The following LMNTD2 variants were observed in gnomAD, a reference collection of about 807,000 sequenced individuals.
The protein encoded by LMNTD2 is lamin tail domain-containing protein 2.
A neutral mutation model predicts 70.1 loss-of-function variants in LMNTD2; 83 were observed. The observed-to-expected ratio is 1.18, with a 90% confidence interval of 0.99 to 1.42. The LOEUF (loss-of-function observed/expected upper bound fraction) is 1.42, where lower values mean the gene tolerates loss of function less well. LMNTD2 is among the 40% of genes most tolerant of loss of function. LMNTD2 has a pLI of 0.00. For synonymous variants in LMNTD2, 534 were observed against 406.1 expected (o/e 1.31, Z -3.79); for missense variants, 1,153 against 905.9 (o/e 1.27, Z -3.50).
Position 557,507 on chromosome 11 carries a change from C to T in LMNTD2, c.625-20G>A, listed in dbSNP as rs778051009. On this transcript the variant is annotated intron_variant, in intron 6 of 13. Transcript: ENST00000329451. ...AAAGCCCTGGCCAGGAAGCAAGAGG[C>T]ACATGGTCCTCCCCTCCCGCAGGGC... The T allele has an allele frequency of 3.7e-6, 6 of 1,613,278 alleles. No homozygotes were observed. The South Asian group carries it at 4.4e-5, about 12-fold the overall frequency.
chr11:557,916 G>C lies in LMNTD2; in HGVS notation c.523C>G (p.Arg175Gly). ...LQLARSSWVG[R>G]MLRSQTGSVE... Reference sequence around the variant, plus strand: ...CTGCCAGTCTGGGATCGTAGCATGCGGCCCACCCACGAGGAGCGGGCCAGC... The same window carrying C: ...CTGCCAGTCTGGGATCGTAGCATGCCGCCCACCCACGAGGAGCGGGCCAGC... The change falls in exon 5 of 14, where the codon CGC (arginine) becomes GGC (glycine). Residue 175 changes from arginine to glycine, a missense_variant. By Grantham distance (125) the Arg-to-Gly change is moderately radical. Transcript: ENST00000329451. The C allele has an allele frequency of 6.3e-7, 1 of 1,583,352 alleles. No individual in the cohort carries two copies. Among genetic ancestry groups the C allele is most frequent in the South Asian group, 1.2e-5 (1 of 86,482 alleles).
Position 556,035 on chromosome 11 carries a change from G to A in LMNTD2, c.1338C>T (p.Ile446=). ...TCAGGAGCAGCGTCGCGCAGCCGCG[G>A]ATGGAGAGGAGGGGAACGGGCTCCC... ...SSREPVPLLS[I]RGCATLLLSP... The change falls in exon 11 of 14, where the codon ATC becomes ATT. Residue 446 remains isoleucine, a synonymous_variant. Coordinates refer to ENST00000329451, the MANE Select transcript of LMNTD2 (RefSeq NM_173573.3). 1.3e-6 allele frequency: 2 copies of A among 1,556,726 alleles called. No homozygotes were observed. The highest frequency in any genetic ancestry group is 1.7e-6 in the Non-Finnish European group (2 of 1,161,986).
chr11:557,542 C>CAG, intron 6 of LMNTD2, 30 bp downstream of exon 6: 1 of 1,613,448 alleles, frequency 6.2e-7, no homozygotes, highest in Non-Finnish European at 8.5e-7. Context: ...CTCCAGATAC[C>CAG]AGACCACACA....
chr11:560,359 C>CG lies in LMNTD2; in HGVS notation c.34+323dup, dbSNP rs1853197704. The CG allele has an allele frequency of 5.1e-6, 6 of 1,167,698 alleles. No homozygotes were observed. The South Asian group carries it at 1.6e-4, about 31-fold the overall frequency. The allele number at this position is 1,167,698 out of a possible 1,614,324, so 72.3% of individuals were successfully genotyped here. ...GGGTCCAAAAGGGGCAGGAAGGTGT[C>CG]GGAGAAGAGCCTCAGCTAGAGTCCG... On this transcript the variant is annotated intron_variant, in intron 1 of 13. Coordinates refer to ENST00000329451, the MANE Select transcript of LMNTD2 (RefSeq NM_173573.3).
At position 555,168 on chromosome 11, in the gene LMNTD2, G is replaced by A. The variant is rs1328946543; in HGVS notation, c.1774-57C>T. On this transcript the variant is annotated intron_variant, in intron 13 of 13. Coordinates refer to ENST00000329451, the MANE Select transcript of LMNTD2 (RefSeq NM_173573.3). ...GGCGGGGCGGGGACGGGAGGGGAGG[G>A]GAGGGGAGGAGAGGGGAGGGGCGGG... 1.0e-3 allele frequency: 621 copies of A among 600,866 alleles called. 2 individuals carry two copies. Among genetic ancestry groups the A allele is most frequent in the Non-Finnish European group, 1.2e-3 (511 of 417,218 alleles). The allele number at this position is 600,866 out of a possible 1,614,324, so 37.2% of individuals were successfully genotyped here. A position where few individuals can be genotyped will look rare whatever the true frequency, so the allele number is the denominator to read the frequency against.
chr11:555,182 G>GGGGGGGGCGGGGAGGAGAGC (rs1564812852), intron 13 of LMNTD2, 71 bp from the exon 14 acceptor site: 2 of 240,424 alleles, frequency 8.3e-6, no homozygotes, highest in African/African-American at 7.1e-5. Context: ...GGGAGGAGAG[G>GGGGGGGGCGGGGAGGAGAGC]GGAGGGGCGG....
chr11:555,103 C>G lies in LMNTD2; in HGVS notation c.1782G>C (p.Arg594=). 1 of 1,492,276 alleles carries G rather than the reference C, an allele frequency of 6.7e-7. No homozygotes were observed. The highest frequency in any genetic ancestry group is 1.2e-5 in the South Asian group (1 of 81,054). The allele number at this position is 1,492,276 out of a possible 1,614,324, so 92.4% of individuals were successfully genotyped here. ...GGGGGCAGCTACGGTCCACGCTCTTCCGGCACACCTGGGGGGCGCGGGGGC... is the reference window on the plus strand; with the variant it reads ...GGGGGCAGCTACGGTCCACGCTCTTGCGGCACACCTGGGGGGCGCGGGGGC... ...LQKEHRVRVC[R]KSVDRSCPLV... is the part of the protein sequence containing the mutation. Residue 594 remains arginine (R), a synonymous_variant, in exon 14 of 14, where the codon CGG becomes CGC. Transcript: ENST00000329451.
At chr11:556,625 A>C in intron 8 of LMNTD2, 37 bp from the exon 9 acceptor site, 1 of 1,459,392 alleles carries the variant, frequency 6.9e-7, no homozygotes, top group Non-Finnish European at 9.1e-7. Flanking sequence ...GGGACCCTCG[A>C]ATGGAGTCCC....
chr11:557,104 AC>A lies in LMNTD2; in HGVS notation c.714-8del. 6.3e-7 allele frequency: 1 copy of A among 1,580,740 alleles called. No individual in the cohort carries two copies. The highest frequency in any genetic ancestry group is 8.6e-7 in the Non-Finnish European group (1 of 1,161,752). ...TGGCCAGGGCCGGGGCTGCCTGTGG[AC>A]CACGCTCTGCTTGATGGCCACTCCA... On this transcript the variant is annotated splice_region_variant and splice_polypyrimidine_tract_variant and intron_variant, in intron 7 of 13. Coordinates refer to ENST00000329451, the MANE Select transcript of LMNTD2 (RefSeq NM_173573.3).
At position 555,481 on chromosome 11, in the gene LMNTD2, C is replaced by G. The variant is rs779940792; in HGVS notation, c.1597G>C (p.Val533Leu). The part of the protein sequence containing the change: ...RPGTRGLLPP[V>L]SSGKLFHARE... ...GCGTGGAAGAGCTTCCCCGAGCTCA[C>G]TGGGGGCAGCAGGCCCCGCGTCCTG... The change falls in exon 13 of 14, where the codon GTG (valine) becomes CTG (leucine). Residue 533 changes from valine (V) to leucine (L), a missense_variant. Physicochemically the swap from Val to Leu is conservative, Grantham distance 32. Transcript: ENST00000329451. 6 of 1,371,488 alleles carry G rather than the reference C, an allele frequency of 4.4e-6. No homozygotes were observed. In the African/African-American group the frequency reaches 6.1e-5, roughly 14 times the overall value. The allele number at this position is 1,371,488 out of a possible 1,614,324, so 85.0% of individuals were successfully genotyped here.
chr11:556,505 C>G lies in LMNTD2; in HGVS notation c.1060G>C (p.Glu354Gln), dbSNP rs767063518. 1.3e-6 allele frequency: 2 copies of G among 1,552,516 alleles called. No individual in the cohort carries two copies. The highest frequency in any genetic ancestry group is 1.7e-4 in the Middle Eastern group (1 of 6,018). Reference sequence around the variant, plus strand: ...CTCGCCCCTTACCTCTGCAGGAGTTCCGGGCTCCAGTGGTCCGGGTCTGTG... The same window carrying G: ...CTCGCCCCTTACCTCTGCAGGAGTTGCGGGCTCCAGTGGTCCGGGTCTGTG... ...PCTDPDHWSP[E>Q]LLQSPTGLKI... The change falls in exon 9 of 14, where the codon GAA becomes CAA. Residue 354 changes from glutamate to glutamine, a missense_variant. Coordinates refer to ENST00000329451, the MANE Select transcript of LMNTD2 (RefSeq NM_173573.3).
intron 4 of LMNTD2, 22 bp from the exon 5 acceptor site, chr11:558,061 T>G (rs369653632): frequency 1.3e-6 from 2 of 1,585,970 alleles, no homozygotes; most frequent in Non-Finnish European, 8.6e-7. Context: ...GGGCCTGTGG[T>G]TGGTGGTGGG....
At chr11:555,592 G>C in intron 12 of LMNTD2, 89 bp from the exon 13 acceptor site, 1 of 1,275,054 alleles carries the variant, frequency 7.8e-7, no homozygotes, top group Non-Finnish European at 1.0e-6. Flanking sequence ...AGGGGCCGCG[G>C]GGCGTACTGG....
intron 2 of LMNTD2, 33 bp downstream of exon 2, chr11:558,823 A>T: frequency 6.3e-7 from 1 of 1,596,652 alleles, no homozygotes. Context: ...CACCTGGCCC[A>T]GGAGGCTCAC....
chr11:555,046 C>A lies in LMNTD2; in HGVS notation c.1839G>T (p.Glu613Asp). The change falls in exon 14 of 14, where the codon GAG becomes GAT. Residue 613 changes from glutamate (E) to aspartate (D), a missense_variant. By Grantham distance (45) the Glu-to-Asp change is conservative. Coordinates refer to ENST00000329451, the MANE Select transcript of LMNTD2 (RefSeq NM_173573.3). Reference protein sequence around the residue: ...LVALSVQNTAESRFGFRFLSC... With the variant: ...LVALSVQNTADSRFGFRFLSC... ...TGAGGAAGCGGAAGCCGAATCTGCT[C>A]TCCGCCGTGTTCTGCACCGACAGGG... 1 of 1,594,378 alleles carries A rather than the reference C, an allele frequency of 6.3e-7. No homozygotes were observed.
rs761143710 is a variant in LMNTD2 at position 558,622 on chromosome 11, C to T, written c.303G>A (p.Pro101=). Residue 101 remains proline (P), a synonymous_variant, in exon 3 of 14, where the codon CCG becomes CCA. Transcript: ENST00000329451. ...CHILEEVAGL[P]PKRSSHSQEK... ...GGGACTGTGCTGCAGACCTCTTGGG[C>T]GGAAGCCCCGCCACCTCTTCCAGGA... The T allele has an allele frequency of 2.7e-5, 44 of 1,604,856 alleles. No homozygotes were observed. The highest frequency in any genetic ancestry group is 6.7e-5 in the African/African-American group (5 of 74,778).
Position 557,964 on chromosome 11 carries a change from A to C in LMNTD2, c.475T>G (p.Leu159Val), listed in dbSNP as rs1853005893. The C allele has an allele frequency of 1.9e-6, 3 of 1,600,050 alleles. No homozygotes were observed. Among genetic ancestry groups the C allele is most frequent in the Non-Finnish European group, 2.6e-6 (3 of 1,172,400 alleles). The change falls in exon 5 of 14, where the codon TTG becomes GTG. Residue 159 changes from leucine (L) to valine (V), a missense_variant. By Grantham distance (32) the Leu-to-Val change is conservative. Transcript: ENST00000329451. ...AGCTGCAGGAGGCAGGACTTCTGCA[A>C]GTTCTGCAGCTCGGCCTCCATCTCC... ...LQEMEAELQN[L>V]QKSCLLQLAR...
chr11:558,494 G>T, intron 3 of LMNTD2, 120 bp downstream of exon 3: 1 of 1,307,084 alleles, frequency 7.7e-7, no homozygotes, highest in Non-Finnish European at 1.0e-6. Flanking sequence ...TGGAGGGTCA[G>T]CGCGGGCAAG....
chr11:555,512 G>C lies in LMNTD2; in HGVS notation c.1575-9C>G, dbSNP rs776616259. 4 of 1,360,954 alleles carry C rather than the reference G, an allele frequency of 2.9e-6. No homozygotes were observed. The African/African-American group carries it at 6.1e-5, about 21-fold the overall frequency. The allele number at this position is 1,360,954 out of a possible 1,614,324, so 84.3% of individuals were successfully genotyped here. On this transcript the variant is annotated splice_polypyrimidine_tract_variant and intron_variant, in intron 12 of 13. Transcript: ENST00000329451. ...GCAGCAGGCCCCGCGTCCTGGTGGG[G>C]CGAGGGTCGTGAGGGCGGCGGCCGG...
Sources: allele counts gnomAD v4.1 joint callset, GRCh38; gene constraint gnomAD v4.1.1; transcripts MANE v1.5; gene names NCBI Gene and HGNC (gene_info 2026-07-23, HGNC 2026-07-21).